Variants in ZCCHC4 observed in about 807,000 individuals in gnomAD.
ZCCHC4 encodes the protein rRNA N(6)-adenosine-methyltransferase ZCCHC4.
ZCCHC4 carries 54 observed loss-of-function variants against 67.7 expected under a neutral mutation model. The observed-to-expected ratio is 0.80, with a 90% CI of 0.64 to 1.00. The LOEUF (loss-of-function observed/expected upper bound fraction) is 1.00, where lower values mean the gene tolerates loss of function less well. Ranked by LOEUF, ZCCHC4 falls within the 50% of genes least tolerant of loss-of-function variation. ZCCHC4 has a pLI of 0.00. For synonymous variants in ZCCHC4, 198 were observed against 213.5 expected (o/e 0.93, Z 0.63); for missense variants, 609 against 617.0 (o/e 0.99, Z 0.14).
At chr4:25,364,849 T>C (rs1299308867) in intron 11 of ZCCHC4, among the ~76,000 whole-genome samples, 173 bp from the exon 12 acceptor site, 1 of 152,226 alleles carries the variant, frequency 6.6e-6, no homozygotes, top group Non-Finnish European at 1.5e-5. Flanking sequence ...TTAGCTAGTT[T>C]ATGTGGAATT....
At chr4:25,345,512 TG>T (rs1719965898) in intron 5 of ZCCHC4, 35 bp from the exon 6 acceptor site, 1 of 1,136,260 alleles carries the variant, frequency 8.8e-7, no homozygotes, top group Non-Finnish European at 1.3e-6. Context: ...ACTCTATAGC[TG>T]TGACTGGGCA....
Position 25,364,458 on chromosome 4 carries a change from G to T in ZCCHC4, c.1214G>T (p.Gly405Val). The T allele has an allele frequency of 1.3e-6, 2 of 1,499,182 alleles. No homozygotes were observed. Among genetic ancestry groups the T allele is most frequent in the South Asian group, 1.5e-5 (1 of 65,678 alleles). The allele number at this position is 1,499,182 out of a possible 1,614,324, so 92.9% of individuals were successfully genotyped here. A position where few individuals can be genotyped will look rare whatever the true frequency, so the allele number is the denominator to read the frequency against. The stretch of plus-strand genomic sequence containing the variant: ...AATTGTTTTTTTTTTTGGTAGGATG[G>T]CAGGAAATGGAACCATTGCTTTCTC... ...ELCNSCTSKD[G>V]RKWNHCFLCK... Residue 405 changes from glycine (G) to valine (V), a missense_variant, in exon 11 of 13, where the codon GGC (glycine) becomes GTC (valine). By Grantham distance (109) the Gly-to-Val change is moderately radical. Coordinates refer to ENST00000302874, the MANE Select transcript of ZCCHC4 (RefSeq NM_024936.3).
At chr4:25,314,308 C>T in intron 2 of ZCCHC4, 144 bp downstream of exon 2, 1 of 580,692 alleles carries the variant, frequency 1.7e-6, no homozygotes, top group Non-Finnish European at 3.0e-6. Context: ...TTTGTTGGTT[C>T]AGAAAATGAG....
intron 12 of ZCCHC4, among the ~76,000 whole-genome samples, chr4:25,367,397 T>C (rs1429990063): frequency 6.6e-6 from 1 of 152,226 alleles, no homozygotes. Flanking sequence ...AATATTTTCC[T>C]CCTGTTTCTG....
intron 3 of ZCCHC4, among the ~76,000 whole-genome samples, chr4:25,326,960 T>C (rs374114171): frequency 3.9e-5 from 6 of 152,246 alleles, no homozygotes; most frequent in African/African-American, 1.2e-4. Flanking sequence ...TGGTTTTAAA[T>C]TGTATTGTTT....
intron 3 of ZCCHC4, among the ~76,000 whole-genome samples, chr4:25,324,706 C>T (rs776958424): frequency 2.4e-4 from 37 of 152,176 alleles, no homozygotes; most frequent in Non-Finnish European, 4.0e-4. Context: ...TTCCTGTCTC[C>T]TACAACACTT....
chr4:25,365,259 T>G, intron 12 of ZCCHC4, 93 bp downstream of exon 12: 2 of 1,544,616 alleles, frequency 1.3e-6, no homozygotes, highest in Non-Finnish European at 1.7e-6. Context: ...GATCTTGAAG[T>G]GCCAAGTTAA....
intron 3 of ZCCHC4, among the ~76,000 whole-genome samples, chr4:25,331,743 T>C (rs1719192710): frequency 6.6e-6 from 1 of 152,154 alleles, no homozygotes; most frequent in South Asian, 2.1e-4. Context: ...TTTGAATTAC[T>C]AAGAAGTTTC....
rs2109098954 is a variant in ZCCHC4, at chr4:25,369,336, A to G, written c.*172A>G. 2.6e-6 allele frequency: 2 copies of G among 781,172 alleles called. No homozygotes were observed. The allele number at this position is 781,172 out of a possible 1,614,324, so 48.4% of individuals were successfully genotyped here. A position where few individuals can be genotyped will look rare whatever the true frequency, so the allele number is the denominator to read the frequency against. On this transcript the variant is annotated 3_prime_UTR_variant, in exon 13 of 13. Transcript: ENST00000302874. Reference sequence around the variant, plus strand: ...TACAGTCCCTTATCTGCCTCTCTGGAGACATGGGGAGTTGTTCCATCTTCA... The same window carrying G: ...TACAGTCCCTTATCTGCCTCTCTGGGGACATGGGGAGTTGTTCCATCTTCA...
chr4:25,353,745 G>T (rs1015369389), intron 8 of ZCCHC4, among the ~76,000 whole-genome samples: 2 of 152,114 alleles, frequency 1.3e-5, no homozygotes, highest in South Asian at 2.1e-4. Flanking sequence ...AATGAATGTG[G>T]CAATATATCT....
intron 12 of ZCCHC4, chr4:25,366,267 A>G: frequency 1.2e-6 from 1 of 855,658 alleles, no homozygotes. Flanking sequence ...GTAATCCAGG[A>G]TAAAGTAGAG....
intron 6 of ZCCHC4, 105 bp downstream of exon 6, chr4:25,345,725 C>A: frequency 1.4e-6 from 1 of 737,526 alleles, no homozygotes. Context: ...CAAATTGTGG[C>A]TGTTCTACCA....
At chr4:25,324,015 T>TTTTTTGTTTTTG (rs1560399558) in intron 3 of ZCCHC4, among the ~76,000 whole-genome samples, 1 of 37,636 alleles carries the variant, frequency 2.7e-5, no homozygotes, top group African/African-American at 1.4e-4. Flanking sequence ...GTTTTTTGTG[T>TTTTTTGTTTTTG]TTTTTTTTTT....
At chr4:25,348,440 T>C (rs1367049938) in intron 6 of ZCCHC4, among the ~76,000 whole-genome samples, 1 of 152,178 alleles carries the variant, frequency 6.6e-6, no homozygotes, top group Non-Finnish European at 1.5e-5. Flanking sequence ...CTCTCCCCAC[T>C]TGTGGGTTCT....
At chr4:25,361,285 T>G (rs545397030) in intron 8 of ZCCHC4, among the ~76,000 whole-genome samples, 2 of 152,216 alleles carry the variant, frequency 1.3e-5, no homozygotes, top group Non-Finnish European at 2.9e-5. Flanking sequence ...TGTTGTGTGT[T>G]ATGAATTCAG....
At chr4:25,349,814 G>A (rs1398476132) in intron 7 of ZCCHC4, 172 bp downstream of exon 7, 2 of 642,328 alleles carry the variant, frequency 3.1e-6, no homozygotes, top group African/African-American at 3.7e-5. Context: ...GATATACTTT[G>A]TATTATTCTA....
intron 8 of ZCCHC4, among the ~76,000 whole-genome samples, chr4:25,361,095 A>G (rs542778672): frequency 6.6e-6 from 1 of 152,216 alleles, no homozygotes; most frequent in Non-Finnish European, 1.5e-5. Context: ...GCAAGACCCT[A>G]TAGGAGGAAG....
chr4:25,361,590 T>G, intron 8 of ZCCHC4: 1 of 400,918 alleles, frequency 2.5e-6, no homozygotes, highest in Non-Finnish European at 4.5e-6. Flanking sequence ...CCATGTGGGC[T>G]TGCACCCACA....
At chr4:25,318,349 C>CTTTTTTTTTTT (rs528144406) in intron 3 of ZCCHC4, among the ~76,000 whole-genome samples, 11 of 45,516 alleles carry the variant, frequency 2.4e-4, no homozygotes, top group East Asian at 8.0e-4. Flanking sequence ...CACTCTCTCT[C>CTTTTTTTTTTT]TTTTTTTTTT....
Sources: allele counts gnomAD v4.1 joint callset (sites outside exome capture counted in the v4.1 genomes callset), GRCh38; gene constraint gnomAD v4.1.1; transcripts MANE v1.5; gene names NCBI Gene and HGNC (gene_info 2026-07-23, HGNC 2026-07-21).